LINGO2: variants seen among roughly 807,000 people sequenced by gnomAD.
The protein encoded by LINGO2 is leucine-rich repeat and immunoglobulin-like domain-containing nogo receptor-interacting protein 2.
Under a neutral mutation model 30.6 loss-of-function variants are expected in LINGO2, and 14 were observed. That is an observed-to-expected ratio of 0.46 (90% CI 0.30 to 0.72). The LOEUF is 0.72. Among genes scored for constraint, LINGO2 ranks in the 30% least tolerant of loss-of-function variants. The probability of loss-of-function intolerance (pLI) is 0.07; values close to 1 mark genes in which losing one functional copy is unlikely to be tolerated. For synonymous variants in LINGO2, 317 were observed against 288.5 expected (o/e 1.10, Z -1.00); for missense variants, 729 against 751.7 (o/e 0.97, Z 0.35).
At chr9:29,189,922 G>A in the LINGO2 span, among the ~76,000 whole-genome samples, 2 of 151,556 alleles carry the variant, frequency 1.3e-5, no homozygotes, top group Non-Finnish European at 2.9e-5. Flanking sequence ...TGAGGCAGGA[G>A]AATCAGGCAG....
the LINGO2 span, among the ~76,000 whole-genome samples, chr9:29,162,001 C>A: frequency 2.6e-5 from 4 of 151,542 alleles, no homozygotes; most frequent in South Asian, 2.1e-4. Context: ...CTTACTACAA[C>A]CTCTGCCTCC....
the LINGO2 span, among the ~76,000 whole-genome samples, chr9:29,174,861 A>G: frequency 6.6e-6 from 1 of 152,228 alleles, no homozygotes; most frequent in African/African-American, 2.4e-5. Context: ...AACTTTTAGT[A>G]TATTTTAAAA....
At chr9:28,764,743 C>G in the LINGO2 span, among the ~76,000 whole-genome samples, 1 of 151,730 alleles carries the variant, frequency 6.6e-6, no homozygotes, top group Admixed American at 6.6e-5. Context: ...ATCCTATATA[C>G]AGAAAACCCC....
At chr9:28,354,017 G>A (rs546187766) in intron 3 of LINGO2, among the ~76,000 whole-genome samples, 21 of 152,208 alleles carry the variant, frequency 1.4e-4, no homozygotes, top group African/African-American at 4.6e-4. Context: ...GTGGGTGAGG[G>A]GGCAGGGATA....
chr9:28,645,894 G>A (rs1373790291), intron 1 of LINGO2, among the ~76,000 whole-genome samples: 1 of 152,080 alleles, frequency 6.6e-6, no homozygotes, highest in African/African-American at 2.4e-5. Context: ...AGAGTACCGT[G>A]CTTTAGAGCT....
intron 1 of LINGO2, among the ~76,000 whole-genome samples, chr9:28,655,012 T>C (rs1163251641): frequency 6.6e-6 from 1 of 152,084 alleles, no homozygotes; most frequent in African/African-American, 2.4e-5. Flanking sequence ...ACATTTGAAA[T>C]AGGCTATTAA....
the LINGO2 span, among the ~76,000 whole-genome samples, chr9:29,059,605 G>T: frequency 3.3e-5 from 5 of 151,596 alleles, no homozygotes; most frequent in Admixed American, 2.0e-4. Flanking sequence ...TTCAACGAAG[G>T]TATCAAGCTA....
chr9:28,894,001 A>C, the LINGO2 span, among the ~76,000 whole-genome samples: 1 of 150,634 alleles, frequency 6.6e-6, no homozygotes, highest in Admixed American at 6.6e-5. Flanking sequence ...AACATGCAGC[A>C]TTTGGTTTTT....
the LINGO2 span, among the ~76,000 whole-genome samples, chr9:28,700,426 A>G: frequency 6.6e-6 from 1 of 151,986 alleles, no homozygotes; most frequent in Non-Finnish European, 1.5e-5. Flanking sequence ...TCTTTCACTT[A>G]GAAGTATGTT....
the LINGO2 span, among the ~76,000 whole-genome samples, chr9:29,099,575 G>A: frequency 1.3e-5 from 2 of 152,030 alleles, no homozygotes; most frequent in Non-Finnish European, 2.9e-5. Context: ...TGAACAAAAG[G>A]TCTGAATAGA....
chr9:28,277,842 A>AC (rs1823177196), intron 4 of LINGO2, among the ~76,000 whole-genome samples: 1 of 141,530 alleles, frequency 7.1e-6, no homozygotes, highest in African/African-American at 2.7e-5. Context: ...CAAAACAAAA[A>AC]AAAAAAACAA....
At chr9:29,000,709 A>G in the LINGO2 span, among the ~76,000 whole-genome samples, 3 of 151,884 alleles carry the variant, frequency 2.0e-5, no homozygotes, top group Non-Finnish European at 4.4e-5. Flanking sequence ...CCCACCATTA[A>G]AAAAAATTAT....
At chr9:29,205,261 G>C in the LINGO2 span, among the ~76,000 whole-genome samples, 1 of 151,982 alleles carries the variant, frequency 6.6e-6, no homozygotes, top group Non-Finnish European at 1.5e-5. Flanking sequence ...GGATGGTCTC[G>C]ATCTCTTGAC....
intron 4 of LINGO2, among the ~76,000 whole-genome samples, chr9:28,013,431 T>C (rs1463902724): frequency 1.3e-5 from 2 of 152,202 alleles, no homozygotes; most frequent in Admixed American, 6.5e-5. Flanking sequence ...TCGTTGATGT[T>C]AAACTAGTGT....
intron 1 of LINGO2, among the ~76,000 whole-genome samples, chr9:28,643,070 T>A (rs927297819): frequency 6.6e-6 from 1 of 152,090 alleles, no homozygotes; most frequent in Non-Finnish European, 1.5e-5. Flanking sequence ...TATTTCATGT[T>A]CATATGTTAG....
chr9:28,853,282 T>C, the LINGO2 span, among the ~76,000 whole-genome samples: 1 of 152,038 alleles, frequency 6.6e-6, no homozygotes, highest in African/African-American at 2.4e-5. Context: ...CATGCACATA[T>C]GCATAATTGT....
intron 4 of LINGO2, among the ~76,000 whole-genome samples, chr9:28,188,404 T>C (rs1819620024): frequency 6.6e-6 from 1 of 152,180 alleles, no homozygotes; most frequent in Non-Finnish European, 1.5e-5. Context: ...TATTTATTAA[T>C]GGCCATCCTC....
At chr9:28,117,664 A>T (rs983672572) in intron 4 of LINGO2, among the ~76,000 whole-genome samples, 17 of 134,202 alleles carry the variant, frequency 1.3e-4, no homozygotes, top group Admixed American at 3.1e-4. Context: ...GGTGGGAGTG[A>T]CCCGATTTTC....
upstream of LINGO2, among the ~76,000 whole-genome samples, chr9:28,671,045 G>A (rs1440172470): frequency 6.6e-6 from 1 of 152,086 alleles, no homozygotes; most frequent in Non-Finnish European, 1.5e-5. Context: ...AAGCAAGATA[G>A]ATGAGTATTT....
Sources: allele counts gnomAD v4.1 joint callset (sites outside exome capture counted in the v4.1 genomes callset), GRCh38; gene constraint gnomAD v4.1.1; transcripts MANE v1.5; gene names NCBI Gene and HGNC (gene_info 2026-07-23, HGNC 2026-07-21).